Variants in PAQR3 observed in about 807,000 individuals in gnomAD.
PAQR3 encodes the protein progestin and adipoQ receptor family member 3.
A neutral mutation model predicts 41.7 loss-of-function variants in PAQR3; 39 were observed. The observed-to-expected ratio is 0.93, with a 90% CI of 0.72 to 1.22. The LOEUF is 1.22. PAQR3 is among the 50% of genes most tolerant of loss of function. PAQR3 has a pLI of 0.00. For missense variants in PAQR3, 366 were observed against 385.6 expected (o/e 0.95, Z 0.42); for synonymous variants, 140 against 140.6 (o/e 1.00, Z 0.03).
At chr4:78,900,415 A>G (rs1733937915) in intron 11 of PAQR3, among the ~76,000 whole-genome samples, 1 of 152,208 alleles carries the variant, frequency 6.6e-6, no homozygotes, top group African/African-American at 2.4e-5. Flanking sequence ...GTATATAGAA[A>G]GACTGAAAGT....
chr4:78,887,136 C>CATTTCATTTTTTATT (rs1165182377), exon 13 of PAQR3: 1 of 1,333,748 alleles, frequency 7.5e-7, no homozygotes, highest in East Asian at 2.5e-5. Context: ...ATTTTTATTT[C>CATTTCATTTTTTATT]ATTTCATTTT....
At chr4:78,899,512 G>A (rs950465785) in intron 11 of PAQR3, among the ~76,000 whole-genome samples, 3 of 152,130 alleles carry the variant, frequency 2.0e-5, no homozygotes, top group African/African-American at 7.2e-5. Flanking sequence ...GTTCATGCCA[G>A]TTAGAAGAGA....
downstream of PAQR3, chr4:78,910,978 G>A (rs1161746261): frequency 3.7e-6 from 6 of 1,613,522 alleles, no homozygotes; most frequent in Admixed American, 3.3e-5. Flanking sequence ...GCAGGCTAAA[G>A]CAAAGTACAG....
At chr4:78,890,117 A>T (rs1733350021) in intron 11 of PAQR3, among the ~76,000 whole-genome samples, 1 of 152,078 alleles carries the variant, frequency 6.6e-6, no homozygotes, top group Admixed American at 6.5e-5. Context: ...GTAAATTGAA[A>T]CTTTATTAAA....
At position 78,904,754 on chromosome 4, in the gene PAQR3, A is replaced by G. The variant is rs372774645; in HGVS notation, c.*836+1354T>C. Among the ~76,000 whole-genome samples, 72 of 152,088 alleles carry G rather than the reference A, an allele frequency of 4.7e-4. 1 individual carries two copies. The East Asian group carries it at 0.01, about 21-fold the overall frequency. ...TATTCTGTTCCAAGTTCTTTTGTTA[A>G]GTAGACGTATACCTTCATTTAAGTT... On this transcript the variant is annotated intron_variant and NMD_transcript_variant, in intron 11 of 12. Transcript: ENST00000342820.
chr4:78,901,608 G>T (rs1577976409), intron 11 of PAQR3, among the ~76,000 whole-genome samples: 1 of 152,180 alleles, frequency 6.6e-6, no homozygotes, highest in East Asian at 1.9e-4. Flanking sequence ...TTAAAGCATG[G>T]TATTCATTCC....
chr4:78,912,008 C>A lies in PAQR3; in HGVS notation c.*8531G>T. The stretch of plus-strand genomic sequence containing the variant: ...CCAGTCGAATTAGACCCATTTGGTG[C>A]TGCTCCATTTCCTTCTAAACAGTAG... On this transcript the variant is annotated 3_prime_UTR_variant, in exon 6 of 6. Coordinates refer to ENST00000512733, the MANE Select transcript of PAQR3 (RefSeq NM_001040202.2). 1 of 1,612,218 alleles carries A rather than the reference C, an allele frequency of 6.2e-7. No homozygotes were observed. Among genetic ancestry groups the A allele is most frequent in the Non-Finnish European group, 8.5e-7 (1 of 1,178,844 alleles).
chr4:78,911,611 A>C (rs750756658), downstream of PAQR3: 1 of 1,613,986 alleles, frequency 6.2e-7, no homozygotes. Flanking sequence ...TCGCAGGCAC[A>C]AAAAAGTGGG....
At chr4:78,895,749 T>C (rs1178682118) in intron 11 of PAQR3, among the ~76,000 whole-genome samples, 2 of 152,188 alleles carry the variant, frequency 1.3e-5, no homozygotes. Context: ...CTAATTTTTA[T>C]ATGAACACAG....
chr4:78,912,247 G>A lies in PAQR3; in HGVS notation c.*8292C>T. The A allele has an allele frequency of 2.0e-6, 1 of 499,908 alleles. No homozygotes were observed. Among genetic ancestry groups the A allele is most frequent in the Non-Finnish European group, 3.5e-6 (1 of 286,008 alleles). The allele number at this position is 499,908 out of a possible 1,614,324, so 31.0% of individuals were successfully genotyped here. On this transcript the variant is annotated 3_prime_UTR_variant, in exon 6 of 6. Transcript: ENST00000512733. Reference sequence around the variant, plus strand: ...AGGAGAAAAGGGAGCTAAATTGCAAGCTCTAACTAAGGGTTTCTGCTACTG... The same window carrying A: ...AGGAGAAAAGGGAGCTAAATTGCAAACTCTAACTAAGGGTTTCTGCTACTG...
At chr4:78,924,073 T>G in intron 4 of PAQR3, 126 bp from the exon 5 acceptor site, 1 of 719,376 alleles carries the variant, frequency 1.4e-6, no homozygotes, top group Non-Finnish European at 2.4e-6. Context: ...TCTCCAATAA[T>G]AGAAACCTTG....
At chr4:78,898,147 G>T (rs190033623) in intron 11 of PAQR3, among the ~76,000 whole-genome samples, 28 of 152,318 alleles carry the variant, frequency 1.8e-4, no homozygotes, top group Admixed American at 1.2e-3. Context: ...AGTATGTTCA[G>T]AGAATTGCAG....
intron 11 of PAQR3, among the ~76,000 whole-genome samples, chr4:78,889,252 T>C (rs950227073): frequency 2.1e-5 from 3 of 141,686 alleles, no homozygotes; most frequent in African/African-American, 5.2e-5. Flanking sequence ...AGCCCATTAA[T>C]ATAAATGCTA....
In PAQR3 at chr4:78,912,850, GAAGA is replaced by G. The variant is rs1734730828; in HGVS notation, c.*7685_*7688del. 1 of 151,946 alleles carries G rather than the reference GAAGA, an allele frequency of 6.6e-6. No individual in the cohort carries two copies. 9.4% of individuals were successfully genotyped at this position (151,946 alleles called of 1,614,324 possible). A position where few individuals can be genotyped will look rare whatever the true frequency, so the allele number is the denominator to read the frequency against. On this transcript the variant is annotated 3_prime_UTR_variant, in exon 6 of 6. Transcript: ENST00000512733. Reference sequence around the variant, plus strand: ...TCTGACATTTGTAAAGAAATTATAAGAAGAAAAAAAGATACAGAACAGAAAACAT... The same window carrying G: ...TCTGACATTTGTAAAGAAATTATAAGAAAAAAGATACAGAACAGAAAACAT...
Position 78,917,903 on chromosome 4 carries a change from T to A in PAQR3, c.*2636A>T. ...ATTCTAAAATATGATTTTAAAGCTGTTATGTATTACAAAGAATGACAAGCA... is the reference window on the plus strand; with the variant it reads ...ATTCTAAAATATGATTTTAAAGCTGATATGTATTACAAAGAATGACAAGCA... On this transcript the variant is annotated 3_prime_UTR_variant, in exon 6 of 6. Coordinates refer to ENST00000512733, the MANE Select transcript of PAQR3 (RefSeq NM_001040202.2). 1.0e-6 allele frequency: 1 copy of A among 984,396 alleles called. No homozygotes were observed. The highest frequency in any genetic ancestry group is 1.2e-6 in the Non-Finnish European group (1 of 828,684). The allele number at this position is 984,396 out of a possible 1,614,324, so 61.0% of individuals were successfully genotyped here. A position where few individuals can be genotyped will look rare whatever the true frequency, so the allele number is the denominator to read the frequency against.
At position 78,935,101 on chromosome 4, in the gene PAQR3, G is replaced by GT. The variant is rs780040453; in HGVS notation, c.348+19dup. On this transcript the variant is annotated intron_variant, in intron 2 of 5. Coordinates refer to ENST00000512733, the MANE Select transcript of PAQR3 (RefSeq NM_001040202.2). ...CAAAAAGTTCTCTTTACCAACAGCA[G>GT]TATTTGTGAAATGACTTACCTGGAA... 6 of 1,609,926 alleles carry GT rather than the reference G, an allele frequency of 3.7e-6. No individual in the cohort carries two copies. The South Asian group carries it at 6.6e-5, about 18-fold the overall frequency.
chr4:78,918,720 T>G lies in PAQR3; in HGVS notation c.*1819A>C, dbSNP rs1486782060. 1.0e-6 allele frequency: 1 copy of G among 971,992 alleles called. No individual in the cohort carries two copies. Among genetic ancestry groups the G allele is most frequent in the Non-Finnish European group, 1.2e-6 (1 of 818,006 alleles). 60.2% of individuals were successfully genotyped at this position (971,992 alleles called of 1,614,324 possible). ...CAATGTTTTTTTATTTTGAGAAAGT[T>G]TTATAATAAAAATGGCTCCACACCT... On this transcript the variant is annotated 3_prime_UTR_variant, in exon 6 of 6. Coordinates refer to ENST00000512733, the MANE Select transcript of PAQR3 (RefSeq NM_001040202.2).
In PAQR3 at chr4:78,920,745, A is replaced by C. The variant is rs1426019412; in HGVS notation, c.794-64T>G. On this transcript the variant is annotated intron_variant, in intron 5 of 5. Coordinates refer to ENST00000512733, the MANE Select transcript of PAQR3 (RefSeq NM_001040202.2). Reference sequence around the variant, plus strand: ...TATGTTGACATTAAAGGAAAAATATATTTCTTGGAAGTATAGCTTAGCAGA... The same window carrying C: ...TATGTTGACATTAAAGGAAAAATATCTTTCTTGGAAGTATAGCTTAGCAGA... The C allele has an allele frequency of 1.5e-5, 23 of 1,513,420 alleles. No individual in the cohort carries two copies. In the South Asian group the frequency reaches 2.9e-4, roughly 19 times the overall value. 93.7% of individuals were successfully genotyped at this position (1,513,420 alleles called of 1,614,324 possible). A position where few individuals can be genotyped will look rare whatever the true frequency, so the allele number is the denominator to read the frequency against.
At chr4:78,937,983 A>T (rs1313092835) in intron 1 of PAQR3, among the ~76,000 whole-genome samples, 1 of 152,188 alleles carries the variant, frequency 6.6e-6, no homozygotes, top group East Asian at 1.9e-4. Context: ...CAAGTTGTGA[A>T]TCCTAAGGGC....
Sources: allele counts gnomAD v4.1 joint callset (sites outside exome capture counted in the v4.1 genomes callset), GRCh38; gene constraint gnomAD v4.1.1; transcripts MANE v1.5; gene names NCBI Gene and HGNC (gene_info 2026-07-23, HGNC 2026-07-21).